Variants in LMNTD1 observed in about 807,000 individuals in gnomAD.
The protein encoded by LMNTD1 is lamin tail domain containing 1, also known as lamin tail domain-containing protein 1.
Under a neutral mutation model 50.9 loss-of-function variants are expected in LMNTD1, and 35 were observed. The observed-to-expected ratio is 0.69, with a 90% CI of 0.53 to 0.91. The LOEUF is 0.91. Ranked by LOEUF, LMNTD1 falls within the 40% of genes least tolerant of loss-of-function variation. The pLI, the probability that LMNTD1 is intolerant of heterozygous loss-of-function variation, is 0.00. For missense variants in LMNTD1, 470 were observed against 475.5 expected, an observed-to-expected ratio of 0.99 and a Z score of 0.11; for synonymous variants, 153 against 161.9, an observed-to-expected ratio of 0.94 and a Z score of 0.42.
At chr12:25,482,885 C>CACAG (rs2135906782) in intron 9 of LMNTD1, among the ~76,000 whole-genome samples, 1 of 152,046 alleles carries the variant, frequency 6.6e-6, no homozygotes, top group East Asian at 1.9e-4. Context: ...GAAAAGAATG[C>CACAG]TGTCGGGCCG....
chr12:25,492,233 G>A (rs1204000547), intron 9 of LMNTD1, among the ~76,000 whole-genome samples: 2 of 152,166 alleles, frequency 1.3e-5, no homozygotes, highest in African/African-American at 4.8e-5. Flanking sequence ...AAATGTTATA[G>A]CATAGGCTTA....
chr12:25,490,153 C>T (rs1349316329), intron 9 of LMNTD1, among the ~76,000 whole-genome samples: 3 of 150,820 alleles, frequency 2.0e-5, no homozygotes, highest in Non-Finnish European at 4.4e-5. Flanking sequence ...TTTCTCTAAT[C>T]CCTCCTGTTT....
At chr12:25,509,176 C>T (rs1290986432) in intron 8 of LMNTD1, among the ~76,000 whole-genome samples, 6 of 152,114 alleles carry the variant, frequency 3.9e-5, no homozygotes, top group South Asian at 2.1e-4. Context: ...GGCGTGATCT[C>T]GGCTCACTGC....
In LMNTD1 at chr12:25,607,854, T is replaced by G. The variant is rs548928472; in HGVS notation, c.58+40640A>C. ...TTCTGTAGATGTCTATTAGGTCCAC[T>G]TGGTGCAGAGCTGAGTTCAGGTCCT... On this transcript the variant is annotated intron_variant, in intron 1 of 7. Coordinates refer to the LMNTD1 transcript ENST00000445693. Among the ~76,000 whole-genome samples the G allele has an allele frequency of 3.3e-5, 5 of 152,348 alleles. No homozygotes were observed. The East Asian group carries it at 9.6e-4, about 29-fold the overall frequency.
At chr12:25,621,562 A>G (rs935799137) in intron 1 of LMNTD1, among the ~76,000 whole-genome samples, 1 of 152,228 alleles carries the variant, frequency 6.6e-6, no homozygotes, top group African/African-American at 2.4e-5. Flanking sequence ...TCCCTAAAAC[A>G]TGTTTATATT....
chr12:25,594,727 A>G (rs1945804141), intron 1 of LMNTD1, among the ~76,000 whole-genome samples: 1 of 151,536 alleles, frequency 6.6e-6, no homozygotes, highest in African/African-American at 2.4e-5. Context: ...GGCACCTCAC[A>G]TCTCAATACT....
At chr12:25,591,811 CAG>C (rs58392351) in intron 1 of LMNTD1, among the ~76,000 whole-genome samples, 5,438 of 89,918 alleles carry the variant, frequency 0.06, 148 homozygotes, top group Non-Finnish European at 0.066. Context: ...TAGCTCAGAA[CAG>C]AGAGAGAGAG....
At chr12:25,539,765 A>G (rs1183546749) in intron 4 of LMNTD1, among the ~76,000 whole-genome samples, 24 of 124,964 alleles carry the variant, frequency 1.9e-4, no homozygotes, top group East Asian at 5.1e-4. Flanking sequence ...AAAACCCTTT[A>G]AAAAATTAAT....
chr12:25,570,114 C>T (rs1944725455), intron 1 of LMNTD1, among the ~76,000 whole-genome samples: 1 of 152,076 alleles, frequency 6.6e-6, no homozygotes, highest in Non-Finnish European at 1.5e-5. Context: ...TATACCATTC[C>T]CTGCAAAATA....
rs141592009 is a variant in LMNTD1 at position 25,483,995 on chromosome 12, C to T, written c.*23-7535G>A. Reference sequence around the variant, plus strand: ...ATTTCTACAAAGTTCAGCCAAAAAGCGATTAACCTCAAACTTGACAGATGA... The same window carrying T: ...ATTTCTACAAAGTTCAGCCAAAAAGTGATTAACCTCAAACTTGACAGATGA... On this transcript the variant is annotated intron_variant, in intron 9 of 9. Transcript: ENST00000458174. Among the ~76,000 whole-genome samples, 70 of 151,820 alleles carry T rather than the reference C, an allele frequency of 4.6e-4. 2 individuals carry two copies. The highest frequency in any genetic ancestry group is 1.5e-3 in the African/African-American group (61 of 41,250).
intron 9 of LMNTD1, among the ~76,000 whole-genome samples, chr12:25,490,321 T>C (rs1327988054): frequency 2.6e-5 from 4 of 152,216 alleles, no homozygotes; most frequent in Non-Finnish European, 5.9e-5. Flanking sequence ...CATAATATTT[T>C]TTTTAACATT....
intron 6 of LMNTD1, 92 bp downstream of exon 6, chr12:25,526,007 T>C: frequency 1.0e-6 from 1 of 1,001,492 alleles, no homozygotes. Context: ...CTTAGACACA[T>C]TGTATAAAAT....
At chr12:25,501,962 G>C (rs538274541) in intron 9 of LMNTD1, among the ~76,000 whole-genome samples, 1 of 152,164 alleles carries the variant, frequency 6.6e-6, no homozygotes, top group Non-Finnish European at 1.5e-5. Context: ...ACCACCAGAG[G>C]GGGGTGGGAG....
At chr12:25,641,826 C>T (rs1946963935) in intron 1 of LMNTD1, among the ~76,000 whole-genome samples, 2 of 152,062 alleles carry the variant, frequency 1.3e-5, no homozygotes, top group South Asian at 4.2e-4. Context: ...TCCATTTAGG[C>T]TTCTCTGCTT....
At chr12:25,566,627 C>T (rs1442693680) in intron 1 of LMNTD1, among the ~76,000 whole-genome samples, 1 of 152,150 alleles carries the variant, frequency 6.6e-6, no homozygotes, top group Non-Finnish European at 1.5e-5. Flanking sequence ...TGTGTTGAGC[C>T]CAACGAACAC....
intron 4 of LMNTD1, among the ~76,000 whole-genome samples, chr12:25,541,892 C>T (rs1474423942): frequency 1.3e-5 from 2 of 150,586 alleles, no homozygotes; most frequent in African/African-American, 2.4e-5. Context: ...ACAAACAACC[C>T]CATCAAAAAG....
At chr12:25,632,343 A>G (rs763800750) in intron 1 of LMNTD1, among the ~76,000 whole-genome samples, 1 of 152,252 alleles carries the variant, frequency 6.6e-6, no homozygotes, top group Admixed American at 6.5e-5. Context: ...ACACACTGTC[A>G]TCAGGTTATC....
rs1300147808 is a variant in LMNTD1, at chr12:25,476,107, A to G, written c.*376T>C. On this transcript the variant is annotated 3_prime_UTR_variant, in exon 10 of 10. Transcript: ENST00000458174. ...ATGGAAAAAAGAGATTTATCAGTCA[A>G]TGTAAAATGGTTAAACAATTGCACG... The G allele has an allele frequency of 6.6e-6, 1 of 152,224 alleles. No individual in the cohort carries two copies. The highest frequency in any genetic ancestry group is 2.1e-4 in the South Asian group (1 of 4,832). The allele number at this position is 152,224 out of a possible 1,614,324, so 9.4% of individuals were successfully genotyped here. A position where few individuals can be genotyped will look rare whatever the true frequency, so the allele number is the denominator to read the frequency against.
chr12:25,599,240 TTTCATAAAA>T (rs1047663506), intron 1 of LMNTD1, among the ~76,000 whole-genome samples: 1 of 151,228 alleles, frequency 6.6e-6, no homozygotes, highest in Non-Finnish European at 1.5e-5. Flanking sequence ...TCAAGAAAAA[TTTCATAAAA>T]TTCAACATCC....
Sources: gnomAD v4.1 joint callset for allele counts (sites outside exome capture counted in the v4.1 genomes callset) on GRCh38, gnomAD v4.1.1 for gene constraint, MANE v1.5 for transcripts, NCBI Gene and HGNC (gene_info 2026-07-23, HGNC 2026-07-21) for gene names.